Variants in ZC3H4 observed in about 807,000 individuals in gnomAD.
ZC3H4 encodes zinc finger CCCH domain-containing protein 4.
ZC3H4 carries 13 observed loss-of-function variants against 108.3 expected under a neutral mutation model. The ratio of observed to expected loss-of-function variants is 0.12; its 90% confidence interval spans 0.08 to 0.19. ZC3H4 has a LOEUF of 0.19. ZC3H4 is among the 10% of genes least tolerant of loss of function. The pLI is 1.00. For missense variants in ZC3H4, 1,734 were observed against 1,838.8 expected (o/e 0.94, Z 1.04); for synonymous variants, 917 against 749.6 (o/e 1.22, Z -3.65).
rs2058054555 is a variant in ZC3H4 at position 47,112,558 on chromosome 19, C to G, written c.27G>C (p.Pro9=). ...GCGGCGGCGACTCTGATGGCGGCGG[C>G]GGGGGGGTCCCGGGCGCGGCCTCCA... The part of the protein sequence containing the change: MEAAPGTP[P]PPPSESPPPP... The change falls in exon 2 of 15, where the codon CCG becomes CCC. Residue 9 remains proline (P), a synonymous_variant. Transcript: ENST00000253048. The G allele has an allele frequency of 3.9e-6, 4 of 1,016,786 alleles. No individual in the cohort carries two copies. The highest frequency in any genetic ancestry group is 4.8e-5 in the South Asian group (1 of 20,738). The allele number at this position is 1,016,786 out of a possible 1,614,324, so 63.0% of individuals were successfully genotyped here.
At chr19:47,082,147 G>T in intron 10 of ZC3H4, 37 bp downstream of exon 10, 2 of 1,524,470 alleles carry the variant, frequency 1.3e-6, no homozygotes, top group Non-Finnish European at 1.8e-6. Flanking sequence ...GAAGTTCTGC[G>T]CCCTCATTCA....
chr19:47,087,504 T>C (rs1396989659), intron 5 of ZC3H4, among the ~76,000 whole-genome samples: 1 of 149,248 alleles, frequency 6.7e-6, no homozygotes, highest in Non-Finnish European at 1.5e-5. Flanking sequence ...GGAGGCCCAG[T>C]TGGGCAGATC....
At chr19:47,090,290 G>A in intron 4 of ZC3H4, 101 bp from the exon 5 acceptor site, 2 of 1,305,022 alleles carry the variant, frequency 1.5e-6, no homozygotes, top group South Asian at 1.3e-5. Context: ...TGTCTGTCTG[G>A]GTGTCACTAC....
chr19:47,104,939 G>A (rs572676495), intron 2 of ZC3H4, among the ~76,000 whole-genome samples: 21 of 151,416 alleles, frequency 1.4e-4, no homozygotes, highest in Non-Finnish European at 2.5e-4. Context: ...ACTTCCACAC[G>A]GGACCTCAAG....
chr19:47,077,861 CAAA>C (rs767129835), intron 11 of ZC3H4, among the ~76,000 whole-genome samples: 8 of 72,284 alleles, frequency 1.1e-4, no homozygotes, highest in Admixed American at 1.6e-4. Flanking sequence ...CCGTCTCAAA[CAAA>C]AAAAAAAAAA....
chr19:47,085,076 A>C lies in ZC3H4; in HGVS notation c.1087T>G (p.Phe363Val). Residue 363 changes from phenylalanine to valine, a missense_variant, in exon 8 of 15, where the codon TTC becomes GTC. Transcript: ENST00000253048. The stretch of plus-strand genomic sequence containing the variant: ...CTCACGCCCATGTCCTCGTCATAGA[A>C]GTCTTCGTCATCGTTCATTCCGCCC... Reference protein sequence around the residue: ...NKGGMNDDEDFYDEDMGDGGG... With the variant: ...NKGGMNDDEDVYDEDMGDGGG... 10 of 1,614,216 alleles carry C rather than the reference A, an allele frequency of 6.2e-6. No individual in the cohort carries two copies. Among genetic ancestry groups the C allele is most frequent in the Non-Finnish European group, 8.5e-6 (10 of 1,180,020 alleles).
chr19:47,069,189 C>T lies in ZC3H4; in HGVS notation c.2301G>A (p.Arg767=), dbSNP rs1292529065. 5 of 1,611,184 alleles carry T rather than the reference C, an allele frequency of 3.1e-6. No individual in the cohort carries two copies. The highest frequency in any genetic ancestry group is 3.4e-6 in the Non-Finnish European group (4 of 1,179,986). Reference sequence around the variant, plus strand: ...TCTGCTGGATCCTCAGGTACAGGGCCCTCTGGGCTGAGGGCAGGAAGTCAG... The same window carrying T: ...TCTGCTGGATCCTCAGGTACAGGGCTCTCTGGGCTGAGGGCAGGAAGTCAG... ...GVPDFLPSAQ[R]ALYLRIQQKQ... The change falls in exon 14 of 15, where the codon AGG becomes AGA. Residue 767 remains arginine (R), a synonymous_variant. Transcript: ENST00000253048.
chr19:47,102,819 C>T (rs2057920881), intron 2 of ZC3H4, among the ~76,000 whole-genome samples: 1 of 149,374 alleles, frequency 6.7e-6, no homozygotes, highest in Non-Finnish European at 1.5e-5. Flanking sequence ...GAAAGCAATA[C>T]AAAAATCCCA....
At chr19:47,083,650 A>G (rs1216018177) in intron 9 of ZC3H4, among the ~76,000 whole-genome samples, 2 of 152,028 alleles carry the variant, frequency 1.3e-5, no homozygotes, top group African/African-American at 4.8e-5. Flanking sequence ...CGGAGGTTGC[A>G]GTGAGCCGAG....
At chr19:47,100,116 G>A (rs1483675864) in intron 2 of ZC3H4, among the ~76,000 whole-genome samples, 3 of 152,086 alleles carry the variant, frequency 2.0e-5, no homozygotes, top group Admixed American at 1.3e-4. Flanking sequence ...CCGATTCTGC[G>A]GACTAGTCGT....
chr19:47,100,441 C>T (rs529303161), intron 2 of ZC3H4, among the ~76,000 whole-genome samples: 2 of 151,994 alleles, frequency 1.3e-5, no homozygotes, highest in African/African-American at 4.8e-5. Flanking sequence ...GGTAACGTGC[C>T]TACGCCACGG....
At chr19:47,077,412 G>C (rs866126467) in intron 11 of ZC3H4, among the ~76,000 whole-genome samples, 1 of 151,534 alleles carries the variant, frequency 6.6e-6, no homozygotes, top group South Asian at 2.1e-4. Flanking sequence ...AGGTTGCAGT[G>C]AGCCGAGATC....
chr19:47,112,781 C>T (rs1261448074), intron 1 of ZC3H4, among the ~76,000 whole-genome samples, 192 bp from the exon 2 acceptor site: 2 of 152,178 alleles, frequency 1.3e-5, no homozygotes, highest in Non-Finnish European at 2.9e-5. Context: ...CCTGCTTTCT[C>T]CGCAGCCCAC....
chr19:47,098,460 T>C (rs1314831287), intron 2 of ZC3H4, among the ~76,000 whole-genome samples: 4 of 138,226 alleles, frequency 2.9e-5, no homozygotes, highest in African/African-American at 1.1e-4. Context: ...GCACTCCAGC[T>C]TGCGAGACAG....
rs201206623 is a variant in ZC3H4 at position 47,072,333 on chromosome 19, G to A, written c.1802+19C>T. On this transcript the variant is annotated intron_variant, in intron 12 of 14. Transcript: ENST00000253048. This position sits in a 1 kb window ranked among gnomAD's most constrained non-coding sequence, Gnocchi z 5.6. The stretch of plus-strand genomic sequence containing the variant: ...CAGGACAGCGCCCACTGCCTGTCAC[G>A]GGGGTCCAGGGCACTCACCTCACAC... The A allele has an allele frequency of 3.0e-4, 486 of 1,609,364 alleles. No individual in the cohort carries two copies. The African/African-American group carries it at 5.1e-3, about 17-fold the overall frequency.
At chr19:47,098,688 T>C (rs912806708) in intron 2 of ZC3H4, among the ~76,000 whole-genome samples, 1 of 152,158 alleles carries the variant, frequency 6.6e-6, no homozygotes, top group Admixed American at 6.5e-5. Context: ...CGCTTGAACC[T>C]GGGAGGCGGA....
At position 47,072,197 on chromosome 19, in the gene ZC3H4, G is replaced by C. The variant is rs2057342902; in HGVS notation, c.1803-76C>G. The C allele has an allele frequency of 1.4e-6, 2 of 1,428,646 alleles. No individual in the cohort carries two copies. Among genetic ancestry groups the C allele is most frequent in the Non-Finnish European group, 9.3e-7 (1 of 1,071,502 alleles). 88.5% of individuals were successfully genotyped at this position (1,428,646 alleles called of 1,614,324 possible). On this transcript the variant is annotated intron_variant, in intron 12 of 14. Transcript: ENST00000253048. The surrounding 1 kb of genome is among the most constrained non-coding windows in gnomAD (Gnocchi z 5.6). ...GCCACACCCCAGAGGAGAGGCGGAGGGCTGCAGAGCCGAAGGTCATGGGCC... is the reference window on the plus strand; with the variant it reads ...GCCACACCCCAGAGGAGAGGCGGAGCGCTGCAGAGCCGAAGGTCATGGGCC...
Position 47,064,716 on chromosome 19 carries a change from T to G in ZC3H4, c.*1640A>C, listed in dbSNP as rs2057171592. The G allele has an allele frequency of 1.6e-5, 2 of 121,536 alleles. No homozygotes were observed. Among genetic ancestry groups the G allele is most frequent in the African/African-American group, 5.9e-5 (2 of 33,720 alleles). The allele number at this position is 121,536 out of a possible 1,614,324, so 7.5% of individuals were successfully genotyped here. The stretch of plus-strand genomic sequence containing the variant: ...GGCTGAAGACAAATCTCATTAATGA[T>G]TGTGTAAAAAAAAAAAAAAAAAAAA... On this transcript the variant is annotated 3_prime_UTR_variant, in exon 15 of 15. Coordinates refer to ENST00000253048, the MANE Select transcript of ZC3H4 (RefSeq NM_015168.2).
chr19:47,107,199 A>T (rs2057978440), intron 2 of ZC3H4, among the ~76,000 whole-genome samples: 1 of 152,222 alleles, frequency 6.6e-6, no homozygotes, highest in Non-Finnish European at 1.5e-5. Flanking sequence ...ACCCTAAGAG[A>T]TGAAAGATAA....
Sources: gnomAD v4.1 joint callset for allele counts (sites outside exome capture counted in the v4.1 genomes callset) on GRCh38, gnomAD v4.1.1 for gene constraint, Gnocchi (gnomAD v3.1) non-coding constraint, MANE v1.5 for transcripts, NCBI Gene and HGNC (gene_info 2026-07-23, HGNC 2026-07-21) for gene names.